The following SLC26A5 variants were observed in gnomAD, a reference collection of about 807,000 sequenced individuals.
SLC26A5 encodes solute carrier family 26 member 5, also known as prestin.
Under a neutral mutation model 81.0 loss-of-function variants are expected in SLC26A5, and 51 were observed. The observed-to-expected ratio is 0.63, with a 90% CI of 0.50 to 0.80. The LOEUF (loss-of-function observed/expected upper bound fraction) is 0.80. Ranked by LOEUF, SLC26A5 falls within the 30% of genes least tolerant of loss-of-function variation. The pLI is 0.00. For missense variants in SLC26A5, 771 were observed against 905.8 expected (o/e 0.85, Z 1.91); for synonymous variants, 325 against 332.8 (o/e 0.98, Z 0.25).
chr7:103,412,425 G>C (rs1824557893), intron 5 of SLC26A5, among the ~76,000 whole-genome samples: 1 of 151,752 alleles, frequency 6.6e-6, no homozygotes, highest in Non-Finnish European at 1.5e-5. Context: ...ATGAAATCAA[G>C]CATTTATCTC....
At chr7:103,352,887 C>T (rs1408392639) in exon 20 of SLC26A5, 1 of 780,966 alleles carries the variant, frequency 1.3e-6, no homozygotes, top group Admixed American at 1.7e-5. Context: ...CACGGCATTT[C>T]CCCTACGGTC....
At chr7:103,366,633 C>A (rs1820732446) in intron 19 of SLC26A5, among the ~76,000 whole-genome samples, 1 of 152,176 alleles carries the variant, frequency 6.6e-6, no homozygotes, top group Non-Finnish European at 1.5e-5. Context: ...TTCATTCATA[C>A]AACACCTATT....
At chr7:103,391,519 C>T in intron 11 of SLC26A5, 103 bp downstream of exon 11, 1 of 907,800 alleles carries the variant, frequency 1.1e-6, no homozygotes, top group Non-Finnish European at 1.8e-6. Context: ...GAGCATGGAT[C>T]TGCAGGCCAG....
At chr7:103,445,120 G>A (rs2116895034) in intron 1 of SLC26A5, 1 of 152,288 alleles carries the variant, frequency 6.6e-6, no homozygotes, top group East Asian at 1.9e-4. Flanking sequence ...GTTGTTTTAA[G>A]AGTCTCCATG....
At chr7:103,362,429 AACTC>A (rs1820464882) in intron 19 of SLC26A5, 1 of 1,356,748 alleles carries the variant, frequency 7.4e-7, no homozygotes, top group Non-Finnish European at 9.4e-7. Flanking sequence ...AATACATAAC[AACTC>A]ACTTAGTAAA....
intron 2 of SLC26A5, chr7:103,434,979 TTATTAA>T (rs1826348925): frequency 6.6e-6 from 1 of 152,196 alleles, no homozygotes; most frequent in Non-Finnish European, 1.5e-5. Flanking sequence ...ATCATTATTG[TTATTAA>T]TATTATTATT....
At chr7:103,366,997 GT>G (rs1181540477) in intron 19 of SLC26A5, among the ~76,000 whole-genome samples, 1 of 152,076 alleles carries the variant, frequency 6.6e-6, no homozygotes, top group Non-Finnish European at 1.5e-5. Flanking sequence ...TAGAGACGTG[GT>G]TTCACCATGT....
At chr7:103,364,086 T>TATAC in intron 19 of SLC26A5, 1 of 1,514,426 alleles carries the variant, frequency 6.6e-7, no homozygotes, top group Non-Finnish European at 9.0e-7. Context: ...GATTTAGAAG[T>TATAC]AGTCTGATTT....
chr7:103,420,564 G>C (rs1388670168), intron 4 of SLC26A5, among the ~76,000 whole-genome samples, 174 bp downstream of exon 4: 2 of 152,122 alleles, frequency 1.3e-5, no homozygotes, highest in Non-Finnish European at 2.9e-5. Flanking sequence ...GCCTTCCAAA[G>C]TGCTGAGATT....
intron 18 of SLC26A5, 109 bp downstream of exon 18, chr7:103,377,490 G>T: frequency 9.7e-7 from 1 of 1,033,046 alleles, no homozygotes; most frequent in Non-Finnish European, 1.5e-6. Context: ...ATAATCAAAA[G>T]GGGATAAATC....
chr7:103,380,127 C>T (rs983712742), intron 15 of SLC26A5, among the ~76,000 whole-genome samples: 3 of 152,234 alleles, frequency 2.0e-5, no homozygotes, highest in African/African-American at 7.2e-5. Context: ...CACAGCCCCA[C>T]CATCTACATT....
At chr7:103,354,047 AG>A (rs1177901540) in intron 19 of SLC26A5, 2 of 1,079,426 alleles carry the variant, frequency 1.9e-6, no homozygotes, top group Non-Finnish European at 2.6e-6. Flanking sequence ...AATTAGAAGA[AG>A]TTAAGAAACC....
intron 4 of SLC26A5, among the ~76,000 whole-genome samples, chr7:103,416,714 A>ATATATAT (rs1191730464): frequency 2.0e-4 from 30 of 151,728 alleles, no homozygotes; most frequent in Admixed American, 1.5e-3. Flanking sequence ...TCTGCTTGCC[A>ATATATAT]TATATATATT....
At chr7:103,371,561 G>A (rs535777211), downstream of SLC26A5, among the ~76,000 whole-genome samples, 2 of 151,788 alleles carry the variant, frequency 1.3e-5, no homozygotes, top group South Asian at 2.1e-4. Flanking sequence ...TCCTGACCTC[G>A]TGATCTGCCT....
At chr7:103,379,094 T>C in intron 16 of SLC26A5, 149 bp downstream of exon 16, 1 of 641,936 alleles carries the variant, frequency 1.6e-6, no homozygotes. Flanking sequence ...TAAAATAGTA[T>C]ATTTTATGTT....
chr7:103,390,188 C>T (rs72655390), intron 12 of SLC26A5, among the ~76,000 whole-genome samples: 166 of 152,124 alleles, frequency 1.1e-3, no homozygotes, highest in Non-Finnish European at 2.0e-3. Flanking sequence ...CCAGTCCAAA[C>T]CCCGACTTTG....
intron 2 of SLC26A5, among the ~76,000 whole-genome samples, chr7:103,426,548 C>G (rs1482649546): frequency 1.3e-5 from 2 of 152,100 alleles, no homozygotes; most frequent in Non-Finnish European, 2.9e-5. Context: ...GGAAGAGACA[C>G]AGAGAGGAGA....
At position 103,380,549 on chromosome 7, in the gene SLC26A5, A is replaced by G; in HGVS notation, c.1515T>C (p.Ser505=). ...ALLTVIYRTQ[S]PSYKVLGKLP... is the part of the protein sequence containing the mutation. ...GCTTTCCAAGGACTTTGTAGCTTGG[A>G]CTGAAGATAAAGAGTGTTAAATACC... The change falls in exon 15 of 20, where the codon AGT becomes AGC. Residue 505 remains serine, a splice_region_variant and synonymous_variant. Coordinates refer to ENST00000306312, the MANE Select transcript of SLC26A5 (RefSeq NM_198999.3). The G allele has an allele frequency of 1.9e-6, 3 of 1,613,260 alleles. No homozygotes were observed. The highest frequency in any genetic ancestry group is 1.1e-5 in the South Asian group (1 of 91,064).
chr7:103,440,443 C>T (rs1437541122), intron 2 of SLC26A5, among the ~76,000 whole-genome samples: 2 of 152,166 alleles, frequency 1.3e-5, no homozygotes, highest in African/African-American at 4.8e-5. Flanking sequence ...TGGAAGGATA[C>T]ATTTTTATTT....
Sources: allele counts gnomAD v4.1 joint callset (sites outside exome capture counted in the v4.1 genomes callset), GRCh38; gene constraint gnomAD v4.1.1; transcripts MANE v1.5; gene names NCBI Gene and HGNC (gene_info 2026-07-23, HGNC 2026-07-21).